CRTC1: variants seen among roughly 807,000 people sequenced by gnomAD.
CRTC1 encodes CREB-regulated transcription coactivator 1.
CRTC1 carries 18 observed loss-of-function variants against 66.1 expected under a neutral mutation model. That is an observed-to-expected ratio of 0.27 (90% CI 0.19 to 0.40). CRTC1 has a LOEUF of 0.40. CRTC1 is among the 10% of genes least tolerant of loss of function. CRTC1 has a pLI of 1.00. For synonymous variants in CRTC1, 416 were observed against 398.8 expected (o/e 1.04, Z -0.51); for missense variants, 669 against 887.9 (o/e 0.75, Z 3.13).
At chr19:18,732,213 C>T (rs1365869872) in intron 1 of CRTC1, among the ~76,000 whole-genome samples, 1 of 152,190 alleles carries the variant, frequency 6.6e-6, no homozygotes, top group East Asian at 1.9e-4. Flanking sequence ...TCACCCCCAG[C>T]GAGGCTGTAT....
At chr19:18,766,317 T>G (rs909130558) in intron 9 of CRTC1, among the ~76,000 whole-genome samples, 13 of 150,618 alleles carry the variant, frequency 8.6e-5, no homozygotes, top group African/African-American at 3.2e-4. Flanking sequence ...TTTGGTATTT[T>G]TAGTAGAGAT....
intron 1 of CRTC1, among the ~76,000 whole-genome samples, chr19:18,737,616 G>T (rs117040713): frequency 1.6e-4 from 24 of 152,200 alleles, no homozygotes; most frequent in Non-Finnish European, 2.8e-4. Context: ...ACCTGGGAAG[G>T]TGACCTTACA....
chr19:18,743,458 A>G (rs1395667794), intron 2 of CRTC1, among the ~76,000 whole-genome samples: 1 of 152,336 alleles, frequency 6.6e-6, no homozygotes, highest in East Asian at 1.9e-4. Flanking sequence ...CGCAGGCCGC[A>G]CAGCCGCCGT....
At chr19:18,762,978 A>G (rs1047738685) in intron 8 of CRTC1, among the ~76,000 whole-genome samples, 1 of 152,254 alleles carries the variant, frequency 6.6e-6, no homozygotes. Flanking sequence ...CGTTTCTGAC[A>G]ACAGCAAACC....
Position 18,760,355 on chromosome 19 carries a change from C to A in CRTC1, c.886+127C>A. The A allele has an allele frequency of 2.4e-6, 2 of 819,488 alleles. No homozygotes were observed. The highest frequency in any genetic ancestry group is 3.8e-6 in the Non-Finnish European group (2 of 524,732). The allele number at this position is 819,488 out of a possible 1,614,324, so 50.8% of individuals were successfully genotyped here. A position where few individuals can be genotyped will look rare whatever the true frequency, so the allele number is the denominator to read the frequency against. ...CATGGGGGACAGGGCTGGGGGGCGG[C>A]CGACAGGCTGACCCAGCGGGCACAG... is the stretch of plus-strand genomic sequence containing the variant. On this transcript the variant is annotated intron_variant, in intron 8 of 13. Coordinates refer to ENST00000321949, the MANE Select transcript of CRTC1 (RefSeq NM_015321.3). The surrounding 1 kb of genome is among the most constrained non-coding windows in gnomAD (Gnocchi z 6.2).
chr19:18,725,581 A>G (rs919733920), intron 1 of CRTC1, among the ~76,000 whole-genome samples: 3 of 152,112 alleles, frequency 2.0e-5, no homozygotes, highest in African/African-American at 7.2e-5. Context: ...GCGTGCTCAC[A>G]GGGGCACCAG....
rs1461304107 is a variant in CRTC1, at chr19:18,706,226, A to G, written c.126+22398A>G. Among the ~76,000 whole-genome samples the G allele has an allele frequency of 7.0e-5, 3 of 42,716 alleles. No homozygotes were observed. In the East Asian group the frequency reaches 1.6e-3, roughly 22 times the overall value. 28.0% of individuals were successfully genotyped at this position (42,716 alleles called of 152,430 possible). The stretch of plus-strand genomic sequence containing the variant: ...TTTTTTTTTTTTTTTTTTTTTTTAG[A>G]CAGAGTCTTGCTCTGTCTCTCAGGC... On this transcript the variant is annotated intron_variant, in intron 1 of 13. Transcript: ENST00000321949.
rs2054599540 is a variant in CRTC1, at chr19:18,760,919, C to T, written c.886+691C>T. Among the ~76,000 whole-genome samples, 1 of 152,058 alleles carries T rather than the reference C, an allele frequency of 6.6e-6. No homozygotes were observed. Among genetic ancestry groups the T allele is most frequent in the Non-Finnish European group, 1.5e-5 (1 of 67,984 alleles). On this transcript the variant is annotated intron_variant, in intron 8 of 13. Coordinates refer to ENST00000321949, the MANE Select transcript of CRTC1 (RefSeq NM_015321.3). This position sits in a 1 kb window ranked among gnomAD's most constrained non-coding sequence, Gnocchi z 6.2. ...CTGACCTGGCTCCTCTCCCCAGGCC[C>T]CCAGCCCCCTCCCCACCTAGAACAG...
intron 1 of CRTC1, among the ~76,000 whole-genome samples, chr19:18,688,609 T>G (rs994988895): frequency 9.9e-5 from 15 of 152,056 alleles, no homozygotes; most frequent in Non-Finnish European, 2.1e-4. Context: ...TGAGTAATTT[T>G]GTATTTTTAG....
chr19:18,757,596 G>C (rs772695838), intron 6 of CRTC1, among the ~76,000 whole-genome samples: 1 of 152,166 alleles, frequency 6.6e-6, no homozygotes, highest in African/African-American at 2.4e-5. Context: ...ACTTCAGTCC[G>C]GGTGCCATGG....
chr19:18,768,583 G>A lies in CRTC1; in HGVS notation c.1110G>A (p.Pro370=), dbSNP rs772768947. 4.4e-5 allele frequency: 67 copies of A among 1,538,372 alleles called. No individual in the cohort carries two copies. The East Asian group carries it at 5.7e-4, about 13-fold the overall frequency. ...SQQPPPQPQP[P]PPPPPASQQP... is the part of the protein sequence containing the mutation. ...AGCCACCGCCGCAGCCCCAGCCCCC[G>A]CCGCCTCCTCCACCCGCGTCCCAGC... is the stretch of plus-strand genomic sequence containing the variant. The change falls in exon 10 of 14, where the codon CCG becomes CCA. Residue 370 remains proline, a synonymous_variant. Transcript: ENST00000321949. This position sits in a 1 kb window ranked among gnomAD's most constrained non-coding sequence, Gnocchi z 5.6.
At chr19:18,755,463 T>C (rs976712030) in intron 6 of CRTC1, among the ~76,000 whole-genome samples, 7 of 152,006 alleles carry the variant, frequency 4.6e-5, no homozygotes, top group Admixed American at 1.3e-4. Context: ...AGGATCTTGC[T>C]CTGTTGCCCA....
intron 1 of CRTC1, among the ~76,000 whole-genome samples, chr19:18,740,728 G>A (rs542542425): frequency 6.6e-6 from 1 of 152,342 alleles, no homozygotes; most frequent in African/African-American, 2.4e-5. Flanking sequence ...CAGAGGCCAG[G>A]CGCGGTGACT....
intron 1 of CRTC1, among the ~76,000 whole-genome samples, chr19:18,690,535 C>G (rs577642137): frequency 6.6e-6 from 1 of 152,288 alleles, no homozygotes; most frequent in South Asian, 2.1e-4. Context: ...TCAGTACTCC[C>G]CAGGTTGTGA....
At chr19:18,752,422 G>A (rs1266871029) in intron 5 of CRTC1, among the ~76,000 whole-genome samples, 2 of 152,110 alleles carry the variant, frequency 1.3e-5, no homozygotes, top group African/African-American at 4.8e-5. Flanking sequence ...AGGCTCAAGC[G>A]AGCCCTCCAC....
At chr19:18,743,481 C>T (rs970850839) in intron 2 of CRTC1, among the ~76,000 whole-genome samples, 5 of 152,244 alleles carry the variant, frequency 3.3e-5, no homozygotes, top group South Asian at 4.1e-4. Context: ...ACAGCCTTAT[C>T]GTAAACAGGA....
intron 13 of CRTC1, among the ~76,000 whole-genome samples, chr19:18,776,474 C>G (rs1026462344): frequency 6.6e-6 from 1 of 152,232 alleles, no homozygotes; most frequent in Non-Finnish European, 1.5e-5. Context: ...TGGCCTCTTC[C>G]AGGCTGGAAG....
intron 5 of CRTC1, among the ~76,000 whole-genome samples, chr19:18,752,706 T>C (rs939247019): frequency 2.0e-5 from 3 of 151,600 alleles, no homozygotes; most frequent in African/African-American, 2.4e-5. Context: ...AATGGCGTGA[T>C]GTCAGCTCAC....
chr19:18,749,939 C>A, intron 5 of CRTC1, 64 bp downstream of exon 5: 2 of 1,296,120 alleles, frequency 1.5e-6, no homozygotes, highest in South Asian at 1.2e-5. Flanking sequence ...AACCCCTGTT[C>A]TCCAGGAGGT....
Sources: allele counts gnomAD v4.1 joint callset (sites outside exome capture counted in the v4.1 genomes callset), GRCh38; gene constraint gnomAD v4.1.1; non-coding constraint Gnocchi (gnomAD v3.1); transcripts MANE v1.5; gene names NCBI Gene and HGNC (gene_info 2026-07-23, HGNC 2026-07-21).